MMS22L: variants seen among roughly 807,000 people sequenced by gnomAD.
The protein encoded by MMS22L is protein MMS22-like.
In MMS22L, 74 loss-of-function variants were observed where a neutral mutation model predicts 159.1. The observed-to-expected ratio is 0.47, with a 90% CI of 0.39 to 0.56. The LOEUF (loss-of-function observed/expected upper bound fraction) is 0.56, where lower values mean the gene tolerates loss of function less well. Ranked by LOEUF, MMS22L falls within the 20% of genes least tolerant of loss-of-function variation. The pLI is 0.00. For missense variants in MMS22L, 1,351 were observed against 1,422.1 expected, an observed-to-expected ratio of 0.95 and a Z score of 0.80; for synonymous variants, 517 against 506.9, an observed-to-expected ratio of 1.02 and a Z score of -0.27.
At chr6:97,168,713 C>G (rs1035611995) in intron 19 of MMS22L, among the ~76,000 whole-genome samples, 1 of 152,046 alleles carries the variant, frequency 6.6e-6, no homozygotes, top group Non-Finnish European at 1.5e-5. Context: ...TAGACAAGGG[C>G]TAGTCAACCT....
At chr6:97,230,838 G>C (rs1810784425) in intron 13 of MMS22L, 1 of 152,606 alleles carries the variant, frequency 6.6e-6, no homozygotes, top group African/African-American at 2.4e-5. Context: ...ACTCAAACAG[G>C]AATTTCATTA....
intron 14 of MMS22L, among the ~76,000 whole-genome samples, chr6:97,220,989 C>T (rs973046290): frequency 6.0e-5 from 9 of 151,160 alleles, no homozygotes; most frequent in Admixed American, 2.0e-4. Context: ...CACACACACA[C>T]ACACACACAC....
chr6:97,219,126 G>A (rs1021957338), intron 14 of MMS22L, among the ~76,000 whole-genome samples: 9 of 152,116 alleles, frequency 5.9e-5, no homozygotes, highest in East Asian at 1.9e-4. Flanking sequence ...CCCTCGACAC[G>A]TGGGGATTAC....
chr6:97,208,266 T>C (rs1346102611), intron 14 of MMS22L, among the ~76,000 whole-genome samples: 1 of 152,136 alleles, frequency 6.6e-6, no homozygotes, highest in Non-Finnish European at 1.5e-5. Context: ...ACCACAATGA[T>C]TTCCTACCTA....
At position 97,144,754 on chromosome 6, in the gene MMS22L, G is replaced by A. The variant is rs1800817699; in HGVS notation, c.*2052C>T. ...GAAGATTTTAAAAAAAAGGAACTGAGCCATAAATTTTCTTCTTTTTTCAAT... is the reference window on the plus strand; with the variant it reads ...GAAGATTTTAAAAAAAAGGAACTGAACCATAAATTTTCTTCTTTTTTCAAT... On this transcript the variant is annotated 3_prime_UTR_variant, in exon 25 of 25. Coordinates refer to ENST00000683635, the MANE Select transcript of MMS22L (RefSeq NM_001350599.2). 6.6e-6 allele frequency: 1 copy of A among 151,848 alleles called. No homozygotes were observed. Among genetic ancestry groups the A allele is most frequent in the African/African-American group, 2.4e-5 (1 of 41,360 alleles). The allele number at this position is 151,848 out of a possible 1,614,324, so 9.4% of individuals were successfully genotyped here. A position where few individuals can be genotyped will look rare whatever the true frequency, so the allele number is the denominator to read the frequency against.
intron 14 of MMS22L, among the ~76,000 whole-genome samples, chr6:97,218,862 G>A (rs1809311274): frequency 6.6e-6 from 1 of 152,172 alleles, no homozygotes; most frequent in Non-Finnish European, 1.5e-5. Flanking sequence ...GGGGAAGCAA[G>A]GACCCCTGAA....
Position 97,229,140 on chromosome 6 carries a change from G to A in MMS22L, c.1793C>T (p.Ala598Val). ...GAATTCCTTTGCTTTCTCCCGGAAA[G>A]CACATGAAAATTTCTCAGCCAAAAC... is the stretch of plus-strand genomic sequence containing the variant. ...IGVLAEKFSC[A>V]FREKAKEFLV... The change falls in exon 14 of 25, where the codon GCT becomes GTT. Residue 598 changes from alanine to valine, a missense_variant. By Grantham distance (64) the Ala-to-Val change is moderately conservative. Transcript: ENST00000683635. The A allele has an allele frequency of 6.2e-7, 1 of 1,614,084 alleles. No homozygotes were observed. The highest frequency in any genetic ancestry group is 8.5e-7 in the Non-Finnish European group (1 of 1,180,004).
rs1222516541 is a variant in MMS22L at position 97,204,937 on chromosome 6, C to CTTTTTTTTTTTTT, written c.2040-18260_2040-18248dup. ...GTGCTTTGAGGGCCATGTACAGTGT[C>CTTTTTTTTTTTTT]TTTTTTTTTTTTTTTTTTTTTTTTG... On this transcript the variant is annotated intron_variant, in intron 14 of 24. Transcript: ENST00000683635. Among the ~76,000 whole-genome samples the CTTTTTTTTTTTTT allele has an allele frequency of 3.8e-5, 2 of 52,376 alleles. 1 individual carries two copies. Among genetic ancestry groups the CTTTTTTTTTTTTT allele is most frequent in the African/African-American group, 1.6e-4 (2 of 12,806 alleles). 34.4% of individuals were successfully genotyped at this position (52,376 alleles called of 152,430 possible). A position where few individuals can be genotyped will look rare whatever the true frequency, so the allele number is the denominator to read the frequency against.
At chr6:97,195,873 T>C (rs993197017) in intron 14 of MMS22L, among the ~76,000 whole-genome samples, 7 of 152,122 alleles carry the variant, frequency 4.6e-5, no homozygotes, top group African/African-American at 1.7e-4. Context: ...AGTTACTTTA[T>C]GAAGGAAAAA....
intron 14 of MMS22L, among the ~76,000 whole-genome samples, chr6:97,194,050 C>T (rs1470259342): frequency 1.3e-5 from 2 of 150,748 alleles, no homozygotes; most frequent in Non-Finnish European, 3.0e-5. Context: ...CGTGAGCCAC[C>T]GTGCCTGGCC....
intron 14 of MMS22L, among the ~76,000 whole-genome samples, chr6:97,226,947 T>C (rs189667091): frequency 6.6e-5 from 10 of 152,222 alleles, no homozygotes; most frequent in Non-Finnish European, 1.3e-4. Context: ...AAATGTTCCC[T>C]GGGGGACAAC....
chr6:97,264,149 C>T (rs1357169498), intron 8 of MMS22L: 1 of 152,092 alleles, frequency 6.6e-6, no homozygotes, highest in Admixed American at 6.5e-5. Context: ...TGGTTATATC[C>T]CAGTAAAACT....
At chr6:97,186,413 G>C in intron 15 of MMS22L, 84 bp downstream of exon 15, 1 of 1,131,366 alleles carries the variant, frequency 8.8e-7, no homozygotes, top group South Asian at 1.6e-5. Flanking sequence ...TGCTATACAA[G>C]AGTTTGTTAC....
chr6:97,236,035 G>A (rs1811359905), intron 11 of MMS22L, among the ~76,000 whole-genome samples: 1 of 152,040 alleles, frequency 6.6e-6, no homozygotes, highest in Admixed American at 6.5e-5. Flanking sequence ...TTATGTCAAA[G>A]AGAAGTTCCG....
At chr6:97,228,206 T>A (rs2127993856) in intron 14 of MMS22L, among the ~76,000 whole-genome samples, 1 of 152,288 alleles carries the variant, frequency 6.6e-6, no homozygotes, top group South Asian at 2.1e-4. Flanking sequence ...GTAACGTATC[T>A]CTGGGTAATA....
In MMS22L at chr6:97,173,096, T is replaced by A; in HGVS notation, c.2806A>T (p.Ser936Cys). ...IKPYLGKKVF[S>C]AGLQLTYGMM... is the part of the protein sequence containing the mutation. ...CCATAAGTCAGCTGCAGCCCTGCAC[T>A]GAAAACTTTTTTTCCCAAATAAGGC... is the stretch of plus-strand genomic sequence containing the variant. Residue 936 changes from serine to cysteine, a missense_variant, in exon 19 of 25, where the codon AGT becomes TGT. Physicochemically the swap from Ser to Cys is moderately radical, Grantham distance 112. Transcript: ENST00000683635. 3 of 1,613,194 alleles carry A rather than the reference T, an allele frequency of 1.9e-6. No individual in the cohort carries two copies. The highest frequency in any genetic ancestry group is 2.5e-6 in the Non-Finnish European group (3 of 1,179,662).
At chr6:97,274,147 T>C (rs1261822479) in intron 4 of MMS22L, among the ~76,000 whole-genome samples, 1 of 152,074 alleles carries the variant, frequency 6.6e-6, no homozygotes, top group Admixed American at 6.6e-5. Flanking sequence ...AGAGACAATC[T>C]AGTAAACAAA....
In MMS22L at chr6:97,268,008, A is replaced by T. The variant is rs755729676; in HGVS notation, c.698-6T>A. On this transcript the variant is annotated splice_polypyrimidine_tract_variant and splice_region_variant and intron_variant, in intron 7 of 24. Coordinates refer to ENST00000683635, the MANE Select transcript of MMS22L (RefSeq NM_001350599.2). ...ATGACCATATACAACTTGTTCTGAA[A>T]ATGTAATAAAAATAGTTTTAAAATA... The T allele has an allele frequency of 1.3e-6, 2 of 1,513,670 alleles. No individual in the cohort carries two copies. The highest frequency in any genetic ancestry group is 1.8e-6 in the Non-Finnish European group (2 of 1,130,386). The allele number at this position is 1,513,670 out of a possible 1,614,324, so 93.8% of individuals were successfully genotyped here. A position where few individuals can be genotyped will look rare whatever the true frequency, so the allele number is the denominator to read the frequency against.
Position 97,145,967 on chromosome 6 carries a change from T to A in MMS22L, c.*839A>T, listed in dbSNP as rs1001656217. 1 of 152,186 alleles carries A rather than the reference T, an allele frequency of 6.6e-6. No individual in the cohort carries two copies. Among genetic ancestry groups the A allele is most frequent in the African/African-American group, 2.4e-5 (1 of 41,468 alleles). The allele number at this position is 152,186 out of a possible 1,614,324, so 9.4% of individuals were successfully genotyped here. A position where few individuals can be genotyped will look rare whatever the true frequency, so the allele number is the denominator to read the frequency against. ...GTTTCTTGGATAAAATGCTAAGTTATAAGAAGCTCTGGCTAAAGAGCAAGA... is the reference window on the plus strand; with the variant it reads ...GTTTCTTGGATAAAATGCTAAGTTAAAAGAAGCTCTGGCTAAAGAGCAAGA... On this transcript the variant is annotated 3_prime_UTR_variant, in exon 25 of 25. Transcript: ENST00000683635.
Sources: gnomAD v4.1 joint callset for allele counts (sites outside exome capture counted in the v4.1 genomes callset) on GRCh38, gnomAD v4.1.1 for gene constraint, MANE v1.5 for transcripts, NCBI Gene and HGNC (gene_info 2026-07-23, HGNC 2026-07-21) for gene names.